The following TMEFF2 variants were observed in gnomAD, a reference collection of about 807,000 sequenced individuals.
TMEFF2 encodes the protein tomoregulin-2.
Under a neutral mutation model 53.8 loss-of-function variants are expected in TMEFF2, and 28 were observed. The observed-to-expected ratio is 0.52, with a 90% CI of 0.39 to 0.71. The LOEUF is 0.71. Ranked by LOEUF, TMEFF2 falls within the 30% of genes least tolerant of loss-of-function variation. The probability of loss-of-function intolerance (pLI) is 0.00; values close to 1 mark genes in which losing one functional copy is unlikely to be tolerated. For synonymous variants in TMEFF2, 162 were observed against 166.3 expected, an observed-to-expected ratio of 0.97 and a Z score of 0.20; for missense variants, 353 against 455.2, an observed-to-expected ratio of 0.78 and a Z score of 2.04.
In TMEFF2 at chr2:192,194,525, G is replaced by C; in HGVS notation, c.-1C>G. ...GCCGCGGGGACTCCCACAGCACCAT[G>C]ACTAGTTCGTGCAACTCTGCAGCAG... On this transcript the variant is annotated 5_prime_UTR_variant, in exon 1 of 10. Coordinates refer to ENST00000272771, the MANE Select transcript of TMEFF2 (RefSeq NM_016192.4). The surrounding 1 kb of genome is among the most constrained non-coding windows in gnomAD (Gnocchi z 4.2). The C allele has an allele frequency of 6.2e-7, 1 of 1,612,440 alleles. No homozygotes were observed. The highest frequency in any genetic ancestry group is 8.5e-7 in the Non-Finnish European group (1 of 1,179,432).
At chr2:191,969,861 G>A (rs1692584822) in intron 7 of TMEFF2, among the ~76,000 whole-genome samples, 1 of 152,130 alleles carries the variant, frequency 6.6e-6, no homozygotes, top group Admixed American at 6.5e-5. Flanking sequence ...CTGAAGGTGG[G>A]TTTGACATGT....
At chr2:192,112,442 G>GAATGGC (rs770515776) in intron 4 of TMEFF2, among the ~76,000 whole-genome samples, 3 of 152,114 alleles carry the variant, frequency 2.0e-5, no homozygotes, top group Non-Finnish European at 4.4e-5. Context: ...CTCCCATTTG[G>GAATGGC]AATGGCTGTA....
chr2:192,055,030 G>A (rs116548675), intron 5 of TMEFF2, among the ~76,000 whole-genome samples: 2,241 of 151,684 alleles, frequency 0.015, 46 homozygotes, highest in African/African-American at 0.05. Flanking sequence ...AAAAGATAAG[G>A]AACTAGGAAA....
chr2:191,964,993 C>G (rs957376467), intron 7 of TMEFF2, among the ~76,000 whole-genome samples: 1 of 152,020 alleles, frequency 6.6e-6, no homozygotes, highest in Non-Finnish European at 1.5e-5. Context: ...CCAACTGATT[C>G]CTTAAATGTT....
At chr2:192,053,744 T>G (rs956652730) in intron 5 of TMEFF2, among the ~76,000 whole-genome samples, 1 of 152,230 alleles carries the variant, frequency 6.6e-6, no homozygotes, top group African/African-American at 2.4e-5. Context: ...GTGAAGGTTC[T>G]GTTGCCTAGT....
Position 191,991,536 on chromosome 2 carries a change from A to G in TMEFF2, c.745+6726T>C, listed in dbSNP as rs115016573. 6.4e-3 allele frequency among the ~76,000 whole-genome samples: 970 copies of G among 152,224 alleles called. 10 individuals carry two copies. The highest frequency in any genetic ancestry group is 0.021 in the African/African-American group (893 of 41,566). ...AACAGATCAAGAAACTGAGGCTTCA[A>G]CTAATCAAGAAACCGAGCCTTCAAC... On this transcript the variant is annotated intron_variant, in intron 7 of 9. Transcript: ENST00000272771.
chr2:192,068,044 A>G (rs1688205743), intron 4 of TMEFF2, among the ~76,000 whole-genome samples: 1 of 151,934 alleles, frequency 6.6e-6, no homozygotes, highest in Admixed American at 6.6e-5. Context: ...GCATCTTCAC[A>G]AAATTCTCCT....
rs568416512 is a variant in TMEFF2, at chr2:191,967,796, G to A, written c.746-11418C>T. On this transcript the variant is annotated intron_variant, in intron 7 of 9. Coordinates refer to ENST00000272771, the MANE Select transcript of TMEFF2 (RefSeq NM_016192.4). ...CTGTAAAGTGCCAGTCTCCGCTGTG[G>A]TCTATGAGTGTGTGAGCCATGGTTT... Among the ~76,000 whole-genome samples, 183 of 152,122 alleles carry A rather than the reference G, an allele frequency of 1.2e-3. 2 individuals carry two copies. Among genetic ancestry groups the A allele is most frequent in the Non-Finnish European group, 1.9e-3 (126 of 68,014 alleles).
chr2:191,996,523 T>C (rs151203571), intron 7 of TMEFF2, among the ~76,000 whole-genome samples: 1 of 151,976 alleles, frequency 6.6e-6, no homozygotes, highest in Admixed American at 6.6e-5. Context: ...TTAAAATATA[T>C]ACAATTAGCC....
At chr2:192,119,567 A>G (rs1689498872) in intron 4 of TMEFF2, among the ~76,000 whole-genome samples, 1 of 152,236 alleles carries the variant, frequency 6.6e-6, no homozygotes, top group Admixed American at 6.5e-5. Flanking sequence ...TTGAAAGTTA[A>G]GTGGAAGCCC....
At chr2:191,999,309 G>A in intron 5 of TMEFF2, 101 bp from the exon 6 acceptor site, 8 of 1,074,168 alleles carry the variant, frequency 7.4e-6, no homozygotes, top group Admixed American at 3.0e-5. Context: ...CAAAATGCAA[G>A]TTGGCAAAAT....
chr2:191,960,759 T>C (rs1559061587), intron 7 of TMEFF2, among the ~76,000 whole-genome samples: 2 of 151,714 alleles, frequency 1.3e-5, no homozygotes, highest in Non-Finnish European at 2.9e-5. Context: ...TTAGTGGATG[T>C]TTTAGGTGGG....
chr2:192,152,743 C>A (rs1286453288), intron 4 of TMEFF2, among the ~76,000 whole-genome samples: 1 of 151,882 alleles, frequency 6.6e-6, no homozygotes, highest in Non-Finnish European at 1.5e-5. Flanking sequence ...TTTCAACTAA[C>A]AACTGTATTT....
intron 4 of TMEFF2, among the ~76,000 whole-genome samples, chr2:192,128,235 A>G (rs1485956064): frequency 6.6e-6 from 1 of 152,216 alleles, no homozygotes; most frequent in African/African-American, 2.4e-5. Context: ...GTCTATACAT[A>G]TATTTATTTT....
intron 7 of TMEFF2, among the ~76,000 whole-genome samples, chr2:191,968,573 T>A (rs1656964570): frequency 6.6e-6 from 1 of 152,184 alleles, no homozygotes; most frequent in South Asian, 2.1e-4. Flanking sequence ...GCTCTGTTGA[T>A]GCCTGACTAC....
At chr2:191,959,117 G>T (rs1692192005) in intron 7 of TMEFF2, among the ~76,000 whole-genome samples, 1 of 152,074 alleles carries the variant, frequency 6.6e-6, no homozygotes, top group Non-Finnish European at 1.5e-5. Flanking sequence ...ATTTCTGGAA[G>T]TCTGCATGTT....
intron 2 of TMEFF2, among the ~76,000 whole-genome samples, chr2:192,188,512 C>A (rs931065059): frequency 6.6e-6 from 1 of 152,162 alleles, no homozygotes; most frequent in East Asian, 1.9e-4. Flanking sequence ...TGAGCTGTTT[C>A]GATTAAGCCC....
intron 4 of TMEFF2, among the ~76,000 whole-genome samples, chr2:192,104,491 C>T (rs1172688385): frequency 6.6e-6 from 1 of 152,106 alleles, no homozygotes; most frequent in African/African-American, 2.4e-5. Context: ...AGTCTTCTAA[C>T]TCATATTGCA....
At chr2:192,032,186 G>T (rs997225329) in intron 5 of TMEFF2, among the ~76,000 whole-genome samples, 3 of 152,128 alleles carry the variant, frequency 2.0e-5, no homozygotes, top group Admixed American at 1.3e-4. Context: ...GAAGTTACAT[G>T]ACTTAGAAGG....
Sources: allele counts gnomAD v4.1 joint callset (sites outside exome capture counted in the v4.1 genomes callset), GRCh38; gene constraint gnomAD v4.1.1; non-coding constraint Gnocchi (gnomAD v3.1); transcripts MANE v1.5; gene names NCBI Gene and HGNC (gene_info 2026-07-23, HGNC 2026-07-21).